The following ZDHHC13 variants were observed in gnomAD, a reference collection of about 807,000 sequenced individuals.
ZDHHC13 encodes the protein palmitoyltransferase ZDHHC13.
Under a neutral mutation model 86.0 loss-of-function variants are expected in ZDHHC13, and 85 were observed. The observed-to-expected ratio is 0.99, with a 90% CI of 0.83 to 1.18. The LOEUF (loss-of-function observed/expected upper bound fraction) is 1.18, where lower values mean the gene tolerates loss of function less well. ZDHHC13 is among the 50% of genes most tolerant of loss of function. ZDHHC13 has a pLI of 0.00. For synonymous variants in ZDHHC13, 263 were observed against 246.4 expected (o/e 1.07, Z -0.63); for missense variants, 711 against 730.2 (o/e 0.97, Z 0.30).
intron 1 of ZDHHC13, among the ~76,000 whole-genome samples, chr11:19,119,304 A>C (rs1364465808): frequency 6.6e-6 from 1 of 151,958 alleles, no homozygotes; most frequent in Non-Finnish European, 1.5e-5. Context: ...ATGGGGTTTC[A>C]CCATGTTGGC....
At chr11:19,133,517 T>C (rs1161133126) in intron 1 of ZDHHC13, among the ~76,000 whole-genome samples, 1 of 152,048 alleles carries the variant, frequency 6.6e-6, no homozygotes, top group Non-Finnish European at 1.5e-5. Flanking sequence ...GTAAAATAGA[T>C]AAATTAATTG....
intron 1 of ZDHHC13, among the ~76,000 whole-genome samples, chr11:19,133,942 T>TATATATATACATATATATATATACAC: frequency 1.0e-5 from 1 of 96,082 alleles, no homozygotes; most frequent in Non-Finnish European, 2.3e-5. Context: ...TATATATATA[T>TATATATATACATATATATATATACAC]ACACGTATGT....
Position 19,149,297 on chromosome 11 carries a change from T to TG in ZDHHC13, c.486dup (p.Pro163AlafsTer44), listed in dbSNP as rs1565031970. The TG allele has an allele frequency of 1.9e-5, 30 of 1,604,760 alleles. No individual in the cohort carries two copies. The highest frequency in any genetic ancestry group is 2.6e-5 in the Non-Finnish European group (30 of 1,174,690). On this transcript the variant is annotated frameshift_variant, in exon 5 of 17. Transcript: ENST00000446113. LOFTEE classifies it high-confidence loss of function. ...CACCTGGCAGTATTGTTTCAACACA[T>TG]GCCTATTATAGCATATCTCATCTCA...
chr11:19,170,384 T>A, intron 14 of ZDHHC13, 27 bp from the exon 15 acceptor site: 1 of 1,443,690 alleles, frequency 6.9e-7, no homozygotes. Flanking sequence ...CCTTTTTTTT[T>A]TTTTTTTTTT....
chr11:19,135,225 C>T lies in ZDHHC13; in HGVS notation c.28-7753C>T, dbSNP rs554134037. Among the ~76,000 whole-genome samples the T allele has an allele frequency of 2.1e-3, 319 of 152,314 alleles. 2 individuals carry two copies. The highest frequency in any genetic ancestry group is 7.5e-3 in the African/African-American group (310 of 41,572). Reference sequence around the variant, plus strand: ...GGTCAGTGGGTGCACGCACGGTGTGCGAGCCGAAGCAGGGCGAGGCGTTGC... The same window carrying T: ...GGTCAGTGGGTGCACGCACGGTGTGTGAGCCGAAGCAGGGCGAGGCGTTGC... On this transcript the variant is annotated intron_variant, in intron 1 of 16. Transcript: ENST00000446113.
chr11:19,139,663 A>T (rs1205578726), intron 1 of ZDHHC13, among the ~76,000 whole-genome samples: 10 of 150,380 alleles, frequency 6.6e-5, no homozygotes, highest in Non-Finnish European at 1.2e-4. Context: ...GACTTCAAAC[A>T]ATACTACAAG....
At chr11:19,141,425 G>GT (rs1849316777) in intron 1 of ZDHHC13, among the ~76,000 whole-genome samples, 1 of 152,118 alleles carries the variant, frequency 6.6e-6, no homozygotes, top group African/African-American at 2.4e-5. Context: ...CTAAGTCTTT[G>GT]TTTAGGGGTA....
At chr11:19,155,740 T>G in intron 8 of ZDHHC13, 56 bp from the exon 9 acceptor site, 1 of 1,572,678 alleles carries the variant, frequency 6.4e-7, no homozygotes. Context: ...TGCACTATTA[T>G]TAGATACTTA....
In ZDHHC13 at chr11:19,142,027, C is replaced by G. The variant is rs116353340; in HGVS notation, c.28-951C>G. Among the ~76,000 whole-genome samples, 1,043 of 152,228 alleles carry G rather than the reference C, an allele frequency of 6.9e-3. 9 individuals are homozygous for G. The highest frequency in any genetic ancestry group is 0.024 in the African/African-American group (984 of 41,534). ...TATGCTTTAACCAACTGAGCTAGCA[C>G]GCCACCCGTAACACCTATTTATTAT... is the stretch of plus-strand genomic sequence containing the variant. On this transcript the variant is annotated intron_variant, in intron 1 of 16. Coordinates refer to ENST00000446113, the MANE Select transcript of ZDHHC13 (RefSeq NM_019028.3).
chr11:19,119,941 A>T (rs1319519387), intron 1 of ZDHHC13, among the ~76,000 whole-genome samples: 2 of 151,624 alleles, frequency 1.3e-5, no homozygotes, highest in Non-Finnish European at 2.9e-5. Flanking sequence ...CTTCTCTCTC[A>T]CTCTCTTTTT....
chr11:19,125,242 A>G (rs1325816044), intron 1 of ZDHHC13, among the ~76,000 whole-genome samples: 2 of 152,256 alleles, frequency 1.3e-5, no homozygotes, highest in African/African-American at 2.4e-5. Context: ...ACTTGTATCT[A>G]GAATATATAA....
chr11:19,142,641 T>A (rs1849352371), intron 1 of ZDHHC13, among the ~76,000 whole-genome samples: 1 of 152,218 alleles, frequency 6.6e-6, no homozygotes, highest in African/African-American at 2.4e-5. Context: ...CTTTGTTTTA[T>A]GAACAAAATA....
At chr11:19,130,577 C>A (rs1279903609) in intron 1 of ZDHHC13, among the ~76,000 whole-genome samples, 1 of 152,056 alleles carries the variant, frequency 6.6e-6, no homozygotes, top group Non-Finnish European at 1.5e-5. Flanking sequence ...TTTTTATATT[C>A]TTCTTCTTGT....
At chr11:19,139,694 A>C (rs1328708966) in intron 1 of ZDHHC13, among the ~76,000 whole-genome samples, 1 of 150,936 alleles carries the variant, frequency 6.6e-6, no homozygotes, top group Non-Finnish European at 1.5e-5. Flanking sequence ...CCAAAACAGC[A>C]TGGTACTGGT....
intron 1 of ZDHHC13, among the ~76,000 whole-genome samples, chr11:19,141,151 C>G (rs1365661702): frequency 1.3e-5 from 2 of 151,434 alleles, no homozygotes; most frequent in Non-Finnish European, 2.9e-5. Flanking sequence ...ATGCAATATA[C>G]TATGTTTTAT....
At position 19,166,343 on chromosome 11, in the gene ZDHHC13, C is replaced by T. The variant is rs760292724; in HGVS notation, c.1432C>T (p.Leu478Phe). The T allele has an allele frequency of 1.2e-6, 2 of 1,612,080 alleles. No homozygotes were observed. Among genetic ancestry groups the T allele is most frequent in the South Asian group, 2.2e-5 (2 of 90,750 alleles). ...HHYYIFFLFFLSMVCGWIIYG... is the reference protein window; with the variant it reads ...HHYYIFFLFFFSMVCGWIIYG... ...CTATTACATATTCTTCTTGTTTTTC[C>T]TTTCCATGGTATGTGGCTGGATTAT... Residue 478 changes from leucine to phenylalanine, a missense_variant, in exon 14 of 17, where the codon CTT becomes TTT. Leu to Phe is a conservative substitution (Grantham distance 22). Coordinates refer to ENST00000446113, the MANE Select transcript of ZDHHC13 (RefSeq NM_019028.3).
chr11:19,159,339 A>G (rs1055364905), intron 10 of ZDHHC13, among the ~76,000 whole-genome samples: 17 of 152,134 alleles, frequency 1.1e-4, no homozygotes, highest in African/African-American at 3.9e-4. Flanking sequence ...GATTCCTTCA[A>G]GGTCAGATGG....
Position 19,142,612 on chromosome 11 carries a change from T to C in ZDHHC13, c.28-366T>C, listed in dbSNP as rs79867334. On this transcript the variant is annotated intron_variant, in intron 1 of 16. Transcript: ENST00000446113. ...GCCCACTACAAGTAACAAGGTCCAT[T>C]TGTGCCTTTTCAGATGACCTTTGTT... Among the ~76,000 whole-genome samples the C allele has an allele frequency of 6.8e-3, 1,041 of 152,320 alleles. 8 individuals carry two copies. Among genetic ancestry groups the C allele is most frequent in the African/African-American group, 0.024 (982 of 41,558 alleles).
At chr11:19,125,710 AT>A (rs1286830607) in intron 1 of ZDHHC13, among the ~76,000 whole-genome samples, 1 of 152,228 alleles carries the variant, frequency 6.6e-6, no homozygotes, top group Admixed American at 6.5e-5. Flanking sequence ...GTTTGGATAG[AT>A]TATCTGTGAC....
Sources: gnomAD v4.1 joint callset for allele counts (sites outside exome capture counted in the v4.1 genomes callset) on GRCh38, gnomAD v4.1.1 for gene constraint, MANE v1.5 for transcripts, NCBI Gene and HGNC (gene_info 2026-07-23, HGNC 2026-07-21) for gene names.